Variants in KCNB2 observed in about 807,000 individuals in gnomAD.
The protein encoded by KCNB2 is delayed rectifier potassium channel protein.
In KCNB2, 15 loss-of-function variants were observed where a neutral mutation model predicts 61.5. The observed-to-expected ratio is 0.24, with a 90% confidence interval of 0.16 to 0.38. The LOEUF (loss-of-function observed/expected upper bound fraction) is 0.38. Ranked by LOEUF, KCNB2 falls within the 10% of genes least tolerant of loss-of-function variation. The probability of loss-of-function intolerance (pLI) is 1.00; values close to 1 mark genes in which losing one functional copy is unlikely to be tolerated. For missense variants in KCNB2, 828 were observed against 1,125.2 expected (o/e 0.74, Z 3.78); for synonymous variants, 457 against 446.0 (o/e 1.02, Z -0.31).
intron 2 of KCNB2, among the ~76,000 whole-genome samples, chr8:72,588,646 T>C (rs1316820068): frequency 6.6e-6 from 1 of 151,940 alleles, no homozygotes; most frequent in Non-Finnish European, 1.5e-5. Flanking sequence ...GTATTCCCAG[T>C]GCTTTGAGAG....
chr8:72,654,004 C>T (rs2128986666), intron 2 of KCNB2, among the ~76,000 whole-genome samples: 1 of 152,206 alleles, frequency 6.6e-6, no homozygotes, highest in East Asian at 1.9e-4. Flanking sequence ...TCTGTTAAGA[C>T]AAGATTAGAG....
intron 2 of KCNB2, among the ~76,000 whole-genome samples, chr8:72,740,064 C>T (rs1807923611): frequency 6.6e-6 from 1 of 152,086 alleles, no homozygotes; most frequent in Non-Finnish European, 1.5e-5. Flanking sequence ...CAGAGTCTGT[C>T]TGTTAAGAAA....
chr8:72,931,865 T>C (rs902771649), intron 2 of KCNB2, among the ~76,000 whole-genome samples: 5 of 152,076 alleles, frequency 3.3e-5, no homozygotes, highest in African/African-American at 1.2e-4. Context: ...ATACAAAAAT[T>C]AGCTGGGCAT....
rs145422288 is a variant in KCNB2, at chr8:72,666,438, T to C, written c.579+98125T>C. 6.0e-4 allele frequency among the ~76,000 whole-genome samples: 91 copies of C among 152,344 alleles called. 3 individuals carry two copies. The East Asian group carries it at 0.016, about 27-fold the overall frequency. On this transcript the variant is annotated intron_variant, in intron 2 of 2. Coordinates refer to ENST00000523207, the MANE Select transcript of KCNB2 (RefSeq NM_004770.3). ...TAGGAGAATAATAATGGTCAATATC[T>C]GTAACACTTTGAAAAGCACTTTTGA...
chr8:72,932,664 C>A (rs1806812874), intron 2 of KCNB2, among the ~76,000 whole-genome samples: 1 of 152,118 alleles, frequency 6.6e-6, no homozygotes, highest in African/African-American at 2.4e-5. Context: ...GCTTTTTCAG[C>A]TTTTAGTATA....
chr8:72,754,024 C>G (rs1388500362), intron 2 of KCNB2, among the ~76,000 whole-genome samples: 1 of 152,082 alleles, frequency 6.6e-6, no homozygotes, highest in African/African-American at 2.4e-5. Context: ...AACAGAGTCT[C>G]CCTGGGAAAG....
chr8:72,811,258 A>G (rs1013818429), intron 2 of KCNB2, among the ~76,000 whole-genome samples: 3 of 148,108 alleles, frequency 2.0e-5, no homozygotes, highest in East Asian at 3.9e-4. Context: ...TCTACAACAT[A>G]TATGGTTTCA....
At chr8:72,684,617 A>G (rs1249952057) in intron 2 of KCNB2, among the ~76,000 whole-genome samples, 2 of 152,202 alleles carry the variant, frequency 1.3e-5, no homozygotes, top group Non-Finnish European at 2.9e-5. Flanking sequence ...AGATTCAATT[A>G]TGTCCTTTTC....
At chr8:72,580,270 C>G (rs973651733) in intron 2 of KCNB2, among the ~76,000 whole-genome samples, 8 of 152,138 alleles carry the variant, frequency 5.3e-5, no homozygotes, top group Non-Finnish European at 1.0e-4. Flanking sequence ...TATATCAATC[C>G]TATGAGAACA....
intron 2 of KCNB2, among the ~76,000 whole-genome samples, chr8:72,736,924 A>T (rs1405537808): frequency 1.3e-5 from 2 of 152,234 alleles, no homozygotes; most frequent in Admixed American, 1.3e-4. Context: ...GAATATACAT[A>T]TATAAATATT....
chr8:72,725,527 A>ATGTGTG (rs371929824), intron 2 of KCNB2, among the ~76,000 whole-genome samples: 20 of 91,002 alleles, frequency 2.2e-4, no homozygotes, highest in South Asian at 1.0e-3. Flanking sequence ...ATATATATAT[A>ATGTGTG]TATATATATA....
chr8:72,733,119 C>T (rs550543523), intron 2 of KCNB2, among the ~76,000 whole-genome samples: 8 of 152,030 alleles, frequency 5.3e-5, no homozygotes, highest in South Asian at 2.1e-4. Context: ...GTCATACAAA[C>T]GTGAAGGTTA....
chr8:72,792,700 A>G (rs1005461084), intron 2 of KCNB2, among the ~76,000 whole-genome samples: 1 of 152,218 alleles, frequency 6.6e-6, no homozygotes, highest in African/African-American at 2.4e-5. Flanking sequence ...CTATGGTACA[A>G]CTAGAGTTGG....
At chr8:72,718,964 C>G (rs1332130590) in intron 2 of KCNB2, among the ~76,000 whole-genome samples, 2 of 152,014 alleles carry the variant, frequency 1.3e-5, no homozygotes, top group Non-Finnish European at 1.5e-5. Flanking sequence ...TTTGGTAGAT[C>G]TGAATACTTA....
At chr8:72,591,109 G>C (rs1014135341) in intron 2 of KCNB2, among the ~76,000 whole-genome samples, 1 of 148,310 alleles carries the variant, frequency 6.7e-6, no homozygotes, top group African/African-American at 2.4e-5. Context: ...TGTTCAGTCA[G>C]CTCTTTTTTG....
At chr8:72,593,742 C>A (rs1220512983) in intron 2 of KCNB2, among the ~76,000 whole-genome samples, 1 of 152,168 alleles carries the variant, frequency 6.6e-6, no homozygotes, top group Non-Finnish European at 1.5e-5. Context: ...GCTGCCATGG[C>A]TGAATTGATT....
At chr8:72,586,103 G>T (rs1158636374) in intron 2 of KCNB2, among the ~76,000 whole-genome samples, 1 of 152,152 alleles carries the variant, frequency 6.6e-6, no homozygotes, top group Admixed American at 6.5e-5. Context: ...ACTGTCAGAT[G>T]CCTTAGGCTT....
chr8:72,793,836 G>A (rs1808983490), intron 2 of KCNB2, among the ~76,000 whole-genome samples: 1 of 152,208 alleles, frequency 6.6e-6, no homozygotes, highest in Non-Finnish European at 1.5e-5. Context: ...ATGTTTCAGT[G>A]ACACAGGAAA....
chr8:72,866,626 C>T (rs74897010), intron 2 of KCNB2, among the ~76,000 whole-genome samples: 21 of 152,260 alleles, frequency 1.4e-4, no homozygotes, highest in African/African-American at 5.1e-4. Flanking sequence ...TGGGAATACA[C>T]GTTTGTCAAG....
Sources: gnomAD v4.1 joint callset for allele counts (sites outside exome capture counted in the v4.1 genomes callset) on GRCh38, gnomAD v4.1.1 for gene constraint, MANE v1.5 for transcripts, NCBI Gene and HGNC (gene_info 2026-07-23, HGNC 2026-07-21) for gene names.